The following ADGRB3 variants were observed in gnomAD, a reference collection of about 807,000 sequenced individuals.
ADGRB3 encodes the protein brain-specific angiogenesis inhibitor 3.
Under a neutral mutation model 193.4 loss-of-function variants are expected in ADGRB3, and 37 were observed. The ratio of observed to expected loss-of-function variants is 0.19; its 90% CI spans 0.15 to 0.25. The LOEUF (loss-of-function observed/expected upper bound fraction) is 0.25, where lower values mean the gene tolerates loss of function less well. Among genes scored for constraint, ADGRB3 ranks in the 10% least tolerant of loss-of-function variants. The pLI, the probability that ADGRB3 is intolerant of heterozygous loss-of-function variation, is 1.00. For synonymous variants in ADGRB3, 690 were observed against 644.2 expected (o/e 1.07, Z -1.08); for missense variants, 1,637 against 1,852.9 (o/e 0.88, Z 2.14).
chr6:69,298,625 A>G (rs542239574), intron 20 of ADGRB3, among the ~76,000 whole-genome samples: 32 of 152,118 alleles, frequency 2.1e-4, no homozygotes, highest in African/African-American at 7.0e-4. Flanking sequence ...TTTGAGTGAG[A>G]ACATGTGATA....
At chr6:69,316,222 C>T (rs1768307648) in intron 20 of ADGRB3, among the ~76,000 whole-genome samples, 1 of 150,152 alleles carries the variant, frequency 6.7e-6, no homozygotes, top group Non-Finnish European at 1.5e-5. Context: ...CCTTGCCAAG[C>T]AAAAAGCAGT....
intron 17 of ADGRB3, among the ~76,000 whole-genome samples, chr6:69,210,148 T>TAATA (rs1561953521): frequency 7.7e-5 from 3 of 39,076 alleles, no homozygotes; most frequent in Non-Finnish European, 1.5e-4. Flanking sequence ...TTAATATATA[T>TAATA]CATATATATA....
chr6:69,279,428 G>A (rs1177689067), intron 20 of ADGRB3, among the ~76,000 whole-genome samples: 1 of 151,152 alleles, frequency 6.6e-6, no homozygotes, highest in Non-Finnish European at 1.5e-5. Context: ...CATCGTAAAG[G>A]CGAAAATTTG....
intron 29 of ADGRB3, among the ~76,000 whole-genome samples, chr6:69,366,961 C>G (rs1769583897): frequency 6.6e-6 from 1 of 152,046 alleles, no homozygotes; most frequent in African/African-American, 2.4e-5. Context: ...ATGGCAGAGA[C>G]AGACAACCAT....
chr6:68,978,847 T>A (rs1768824587), intron 10 of ADGRB3, among the ~76,000 whole-genome samples: 1 of 151,356 alleles, frequency 6.6e-6, no homozygotes, highest in Non-Finnish European at 1.5e-5. Flanking sequence ...CAATAATAAT[T>A]AATTATAATC....
intron 12 of ADGRB3, among the ~76,000 whole-genome samples, chr6:69,016,870 A>T (rs1770107591): frequency 6.6e-6 from 1 of 151,904 alleles, no homozygotes; most frequent in Non-Finnish European, 1.5e-5. Flanking sequence ...AACACAAAAA[A>T]ATAAGCCTCT....
chr6:68,992,405 T>C (rs966490935), intron 10 of ADGRB3, among the ~76,000 whole-genome samples: 2 of 152,174 alleles, frequency 1.3e-5, no homozygotes, highest in African/African-American at 2.4e-5. Flanking sequence ...TGAGGGTTCA[T>C]GTCCTTCTTA....
intron 26 of ADGRB3, among the ~76,000 whole-genome samples, chr6:69,340,955 C>T (rs1487335424): frequency 1.3e-5 from 2 of 152,140 alleles, no homozygotes; most frequent in Admixed American, 6.5e-5. Flanking sequence ...CATCCTTTTT[C>T]AATAGCTGCA....
intron 21 of ADGRB3, 144 bp from the exon 22 acceptor site, chr6:69,327,676 G>A (rs894352869): frequency 3.8e-5 from 20 of 524,580 alleles, no homozygotes; most frequent in African/African-American, 3.7e-4. Context: ...AAGAAATCCT[G>A]TAATAGAAAC....
At chr6:69,357,627 C>A (rs1769363228) in intron 28 of ADGRB3, among the ~76,000 whole-genome samples, 1 of 151,882 alleles carries the variant, frequency 6.6e-6, no homozygotes. Flanking sequence ...TGTACAGAAT[C>A]TCAGGTCCTG....
At chr6:69,090,467 C>G (rs760845898) in intron 17 of ADGRB3, among the ~76,000 whole-genome samples, 3 of 152,290 alleles carry the variant, frequency 2.0e-5, no homozygotes, top group Non-Finnish European at 4.4e-5. Flanking sequence ...AAATAACAAC[C>G]ATAGTGGATG....
intron 20 of ADGRB3, among the ~76,000 whole-genome samples, chr6:69,318,102 ACT>A (rs2127304255): frequency 6.7e-6 from 1 of 149,740 alleles, no homozygotes; most frequent in South Asian, 2.1e-4. Flanking sequence ...TTCGTGAGAA[ACT>A]CTTGTACAAC....
At chr6:69,219,461 G>GTGTATATATATATATATATA (rs1491200940) in intron 17 of ADGRB3, among the ~76,000 whole-genome samples, 6 of 98,966 alleles carry the variant, frequency 6.1e-5, no homozygotes, top group African/African-American at 1.6e-4. Context: ...ACACACACAC[G>GTGTATATATATATATATATA]TATATATATA....
chr6:69,248,432 G>T (rs1348718024), intron 20 of ADGRB3, among the ~76,000 whole-genome samples: 1 of 152,186 alleles, frequency 6.6e-6, no homozygotes, highest in African/African-American at 2.4e-5. Context: ...GTCTCTCAGG[G>T]TGAATATGAG....
chr6:69,328,288 G>A (rs1179385996), intron 22 of ADGRB3, among the ~76,000 whole-genome samples: 1 of 152,080 alleles, frequency 6.6e-6, no homozygotes, highest in Non-Finnish European at 1.5e-5. Context: ...TGTCATGTTA[G>A]TTCAAGTTTT....
rs899792598 is a variant in ADGRB3 at position 69,044,042 on chromosome 6, A to AAAAAAC, written c.2108-4121_2108-4116dup. ...GGCGACAGAGCGAGACTCCGTCTCAAAAAAACAAAAACAAAAACAAAAACA... is the reference window on the plus strand; with the variant it reads ...GGCGACAGAGCGAGACTCCGTCTCAAAAAAACAAAAACAAAAACAAAAACAAAAACA... On this transcript the variant is annotated intron_variant, in intron 13 of 31. Transcript: ENST00000370598. Among the ~76,000 whole-genome samples, 10 of 152,266 alleles carry AAAAAAC rather than the reference A, an allele frequency of 6.6e-5. No homozygotes were observed. In the East Asian group the frequency reaches 7.7e-4, roughly 12 times the overall value.
At chr6:69,226,075 G>T (rs1347566927) in intron 17 of ADGRB3, among the ~76,000 whole-genome samples, 1 of 152,004 alleles carries the variant, frequency 6.6e-6, no homozygotes, top group Non-Finnish European at 1.5e-5. Flanking sequence ...GATGTTACTG[G>T]CAATAAAACT....
chr6:68,935,366 T>G (rs904170508), intron 4 of ADGRB3, among the ~76,000 whole-genome samples: 1 of 152,166 alleles, frequency 6.6e-6, no homozygotes, highest in African/African-American at 2.4e-5. Flanking sequence ...TGCAAATAAT[T>G]TTCAAGTCAT....
chr6:68,662,201 A>G (rs1768679856), intron 3 of ADGRB3, among the ~76,000 whole-genome samples: 1 of 151,622 alleles, frequency 6.6e-6, no homozygotes, highest in Admixed American at 6.6e-5. Flanking sequence ...CTATGGATTT[A>G]CCACATAACA....
Sources: allele counts gnomAD v4.1 joint callset (sites outside exome capture counted in the v4.1 genomes callset), GRCh38; gene constraint gnomAD v4.1.1; transcripts MANE v1.5; gene names NCBI Gene and HGNC (gene_info 2026-07-23, HGNC 2026-07-21).